UVRAG: variants seen among roughly 807,000 people sequenced by gnomAD.
UVRAG encodes UV radiation resistance associated.
In UVRAG, 19 loss-of-function variants were observed where a neutral mutation model predicts 78.0. That is an observed-to-expected ratio of 0.24 (90% CI 0.17 to 0.36). The LOEUF (loss-of-function observed/expected upper bound fraction) is 0.36. Among genes scored for constraint, UVRAG ranks in the 10% least tolerant of loss-of-function variants. The pLI, the probability that UVRAG is intolerant of heterozygous loss-of-function variation, is 1.00. For missense variants in UVRAG, 740 were observed against 853.8 expected, an observed-to-expected ratio of 0.87 and a Z score of 1.66; for synonymous variants, 323 against 324.6, an observed-to-expected ratio of 1.00 and a Z score of 0.05.
At chr11:75,997,409 T>TA (rs1418635357) in intron 8 of UVRAG, among the ~76,000 whole-genome samples, 2 of 152,242 alleles carry the variant, frequency 1.3e-5, no homozygotes, top group Non-Finnish European at 2.9e-5. Flanking sequence ...ATTTTGCTGT[T>TA]AAAATTATAT....
intron 12 of UVRAG, among the ~76,000 whole-genome samples, chr11:76,050,553 G>A (rs1950844922): frequency 6.6e-6 from 1 of 152,130 alleles, no homozygotes; most frequent in Admixed American, 6.5e-5. Flanking sequence ...AAAGTGCCAG[G>A]TGCATAAGAA....
intron 13 of UVRAG, among the ~76,000 whole-genome samples, chr11:76,105,926 T>C (rs1951959812): frequency 6.6e-6 from 1 of 152,180 alleles, no homozygotes; most frequent in East Asian, 1.9e-4. Context: ...CTTTGGAAAG[T>C]AGTTCGCATT....
intron 6 of UVRAG, among the ~76,000 whole-genome samples, chr11:75,954,608 T>G (rs1027346946): frequency 6.6e-6 from 1 of 152,346 alleles, no homozygotes; most frequent in South Asian, 2.1e-4. Context: ...ATGTCAAAAA[T>G]GTCAAATTTT....
At chr11:75,887,214 C>T (rs1274421228) in intron 4 of UVRAG, among the ~76,000 whole-genome samples, 2 of 152,066 alleles carry the variant, frequency 1.3e-5, no homozygotes, top group South Asian at 2.1e-4. Context: ...GGCGTGCTCT[C>T]GGCTCACTGC....
chr11:75,976,848 T>A (rs1395318000), intron 7 of UVRAG, among the ~76,000 whole-genome samples: 3 of 152,176 alleles, frequency 2.0e-5, no homozygotes, highest in African/African-American at 7.2e-5. Context: ...TTTTGAAGGT[T>A]TTTTTGTGTC....
At chr11:75,891,924 A>T (rs926865856) in intron 5 of UVRAG, among the ~76,000 whole-genome samples, 1 of 152,142 alleles carries the variant, frequency 6.6e-6, no homozygotes, top group East Asian at 1.9e-4. Flanking sequence ...GAAAGAAAAA[A>T]AAAGGATAGG....
At chr11:75,915,099 C>G (rs1565377798) in intron 6 of UVRAG, 1 of 152,188 alleles carries the variant, frequency 6.6e-6, no homozygotes, top group East Asian at 1.9e-4. Context: ...CAAAAATTAA[C>G]CAGGCATGGT....
At chr11:76,068,355 T>G (rs1190386841) in intron 13 of UVRAG, among the ~76,000 whole-genome samples, 3 of 152,200 alleles carry the variant, frequency 2.0e-5, no homozygotes, top group African/African-American at 7.2e-5. Context: ...CTGACCTAGT[T>G]TTACTCATCT....
intron 6 of UVRAG, chr11:75,930,854 G>A (rs1948217077): frequency 6.6e-6 from 1 of 152,134 alleles, no homozygotes; most frequent in Admixed American, 6.5e-5. Flanking sequence ...CCTGTACTGA[G>A]TTTTCACTAC....
chr11:76,053,089 G>A (rs537387030), intron 12 of UVRAG, among the ~76,000 whole-genome samples: 19 of 151,352 alleles, frequency 1.3e-4, no homozygotes, highest in African/African-American at 2.4e-4. Flanking sequence ...GTGAATCACC[G>A]AAGGTCAGGA....
chr11:75,942,855 A>C (rs1948512806), intron 6 of UVRAG, among the ~76,000 whole-genome samples: 1 of 152,132 alleles, frequency 6.6e-6, no homozygotes, highest in Non-Finnish European at 1.5e-5. Flanking sequence ...AGCAGCATGA[A>C]AGGTCCTTTG....
chr11:76,129,933 G>GCTCTCT (rs375415060), intron 14 of UVRAG, among the ~76,000 whole-genome samples: 2 of 145,070 alleles, frequency 1.4e-5, no homozygotes, highest in African/African-American at 2.7e-5. Flanking sequence ...ACTCTCTCTC[G>GCTCTCT]CTCTCTCTCT....
chr11:75,864,730 T>G (rs748873580), intron 3 of UVRAG, among the ~76,000 whole-genome samples: 2 of 152,370 alleles, frequency 1.3e-5, no homozygotes, highest in Admixed American at 6.5e-5. Flanking sequence ...ACTTCGAAGT[T>G]ATATCCTGAA....
At chr11:76,087,536 A>G (rs1439511733) in intron 13 of UVRAG, among the ~76,000 whole-genome samples, 3 of 152,214 alleles carry the variant, frequency 2.0e-5, no homozygotes, top group Admixed American at 6.5e-5. Context: ...TTCAGTCCTC[A>G]TAGCATGAGG....
chr11:76,115,061 G>A (rs1434441480), intron 13 of UVRAG, among the ~76,000 whole-genome samples: 2 of 152,344 alleles, frequency 1.3e-5, no homozygotes, highest in East Asian at 3.9e-4. Context: ...GGATGAGCAT[G>A]TGTGAGAATA....
At chr11:75,892,440 A>C in intron 5 of UVRAG, 1 of 960,756 alleles carries the variant, frequency 1.0e-6, no homozygotes, top group South Asian at 4.8e-5. Flanking sequence ...TTTAGTGAGC[A>C]CTTCTATGCT....
intron 6 of UVRAG, among the ~76,000 whole-genome samples, chr11:75,960,757 A>T (rs373989747): frequency 1.3e-5 from 2 of 152,156 alleles, no homozygotes; most frequent in Admixed American, 1.3e-4. Context: ...ACAGAGTGAC[A>T]TCCTGTCTCA....
chr11:75,828,466 A>C (rs1290705027), intron 1 of UVRAG, among the ~76,000 whole-genome samples: 1 of 146,048 alleles, frequency 6.8e-6, no homozygotes, highest in African/African-American at 2.5e-5. Flanking sequence ...AAAAAAAGAC[A>C]CCAGTCTGAT....
chr11:75,833,098 A>ATTTATT (rs1021891562), intron 1 of UVRAG, among the ~76,000 whole-genome samples: 1 of 152,048 alleles, frequency 6.6e-6, no homozygotes, highest in African/African-American at 2.4e-5. Flanking sequence ...TCTTTATTTT[A>ATTTATT]TTTATTTTTA....
Sources: gnomAD v4.1 joint callset for allele counts (sites outside exome capture counted in the v4.1 genomes callset) on GRCh38, gnomAD v4.1.1 for gene constraint, MANE v1.5 for transcripts, NCBI Gene and HGNC (gene_info 2026-07-23, HGNC 2026-07-21) for gene names.